DHTKD1: variants seen among roughly 807,000 people sequenced by gnomAD.
DHTKD1 encodes the protein 2-oxoadipate dehydrogenase complex component E1.
DHTKD1 carries 78 observed loss-of-function variants against 101.8 expected under a neutral mutation model. The observed-to-expected ratio is 0.77, with a 90% CI of 0.64 to 0.93. The LOEUF (loss-of-function observed/expected upper bound fraction) is 0.93. DHTKD1 is among the 40% of genes least tolerant of loss of function. The pLI, the probability that DHTKD1 is intolerant of heterozygous loss-of-function variation, is 0.00. For synonymous variants in DHTKD1, 462 were observed against 450.3 expected (o/e 1.03, Z -0.33); for missense variants, 1,223 against 1,161.7 (o/e 1.05, Z -0.77).
At chr10:12,077,419 G>T (rs927477589) in intron 1 of DHTKD1, among the ~76,000 whole-genome samples, 8 of 152,060 alleles carry the variant, frequency 5.3e-5, no homozygotes, top group Non-Finnish European at 1.2e-4. Flanking sequence ...TAGAGACAGG[G>T]TTTCACCATG....
chr10:12,084,707 A>C lies in DHTKD1; in HGVS notation c.478A>C (p.Thr160Pro), dbSNP rs763171314. 1 of 1,614,004 alleles carries C rather than the reference A, an allele frequency of 6.2e-7. No individual in the cohort carries two copies. Among genetic ancestry groups the C allele is most frequent in the Non-Finnish European group, 8.5e-7 (1 of 1,180,016 alleles). Residue 160 changes from threonine (T) to proline (P), a missense_variant, in exon 3 of 17, where the codon ACA becomes CCA. By Grantham distance (38) the Thr-to-Pro change is conservative. Coordinates refer to ENST00000263035, the MANE Select transcript of DHTKD1 (RefSeq NM_018706.7). ...FEELQKETFT[T>P]EERKHLSKLM... Reference sequence around the variant, plus strand: ...GGAACTGCAAAAGGAGACGTTTACCACAGAAGAGCGAAAACATCTGTCGAA... The same window carrying C: ...GGAACTGCAAAAGGAGACGTTTACCCCAGAAGAGCGAAAACATCTGTCGAA...
chr10:12,094,416 CA>C (rs1833037807), intron 7 of DHTKD1, 145 bp downstream of exon 7: 1 of 709,258 alleles, frequency 1.4e-6, no homozygotes. Flanking sequence ...CTCCCGGGTT[CA>C]AATGATCCTC....
intron 2 of DHTKD1, among the ~76,000 whole-genome samples, chr10:12,083,074 C>T (rs531270464): frequency 2.0e-5 from 3 of 151,824 alleles, no homozygotes; most frequent in South Asian, 2.1e-4. Context: ...AATAGCAAGG[C>T]GTGAAGCCGG....
chr10:12,110,223 G>A lies in DHTKD1; in HGVS notation c.2154+2208G>A, dbSNP rs1833308405. Among the ~76,000 whole-genome samples the A allele has an allele frequency of 6.6e-6, 1 of 152,208 alleles. No homozygotes were observed. Among genetic ancestry groups the A allele is most frequent in the Non-Finnish European group, 1.5e-5 (1 of 68,040 alleles). On this transcript the variant is annotated intron_variant, in intron 12 of 16. Transcript: ENST00000263035. The surrounding 1 kb of genome is among the most constrained non-coding windows in gnomAD (Gnocchi z 4.9). ...TGAGGCAGGGGAATGGTGTGAACCT[G>A]GGAGGCGGAGCTTGCAGTGAGCTGA...
intron 5 of DHTKD1, among the ~76,000 whole-genome samples, chr10:12,090,345 TATG>T (rs1832967544): frequency 1.3e-5 from 2 of 152,028 alleles, no homozygotes; most frequent in South Asian, 4.1e-4. Flanking sequence ...TGGATTTCAT[TATG>T]ATATGGCCGG....
At chr10:12,115,458 C>T (rs943341322) in intron 13 of DHTKD1, among the ~76,000 whole-genome samples, 5 of 152,008 alleles carry the variant, frequency 3.3e-5, no homozygotes, top group East Asian at 1.9e-4. Context: ...TTCTCAGGGG[C>T]GATATTTTCA....
At chr10:12,111,603 C>G (rs768104839) in intron 12 of DHTKD1, among the ~76,000 whole-genome samples, 2 of 152,058 alleles carry the variant, frequency 1.3e-5, no homozygotes, top group Non-Finnish European at 2.9e-5. Context: ...GGGGTGGGCT[C>G]TAGTACATGA....
rs1173092599 is a variant in DHTKD1, at chr10:12,094,056, G to C, written c.1160-17G>C. Reference sequence around the variant, plus strand: ...TGGGTTAACTGTCCTGTTTCGGCTTGGTCTTCTGTCCTTCAGGGAAGCTTG... The same window carrying C: ...TGGGTTAACTGTCCTGTTTCGGCTTCGTCTTCTGTCCTTCAGGGAAGCTTG... On this transcript the variant is annotated splice_polypyrimidine_tract_variant and intron_variant, in intron 6 of 16. Transcript: ENST00000263035. 1.2e-6 allele frequency: 2 copies of C among 1,609,520 alleles called. No homozygotes were observed. Among genetic ancestry groups the C allele is most frequent in the South Asian group, 1.1e-5 (1 of 90,914 alleles).
Position 12,121,878 on chromosome 10 carries a change from A to G in DHTKD1, c.*990A>G, listed in dbSNP as rs182682870. The G allele has an allele frequency of 5.3e-5, 8 of 152,316 alleles. No individual in the cohort carries two copies. In the East Asian group the frequency reaches 1.5e-3, roughly 29 times the overall value. 9.4% of individuals were successfully genotyped at this position (152,316 alleles called of 1,614,324 possible). A position where few individuals can be genotyped will look rare whatever the true frequency, so the allele number is the denominator to read the frequency against. ...CTAATTGACCATATATGACCAGGAA[A>G]CACTTCTGAGTTTACAGCTCCGTGG... On this transcript the variant is annotated 3_prime_UTR_variant, in exon 17 of 17. Coordinates refer to ENST00000263035, the MANE Select transcript of DHTKD1 (RefSeq NM_018706.7).
At chr10:12,069,281 GCTGCC>G in intron 1 of DHTKD1, 94 bp downstream of exon 1, 10 of 1,204,176 alleles carry the variant, frequency 8.3e-6, no homozygotes, top group Non-Finnish European at 7.8e-6. Context: ...CGGGGAACCG[GCTGCC>G]GGCCTGAACG....
In DHTKD1 at chr10:12,100,249, T is replaced by C. The variant is rs371969964; in HGVS notation, c.1743T>C (p.Ser581=). The change falls in exon 9 of 17, where the codon TCT becomes TCC. Residue 581 remains serine, a synonymous_variant. Coordinates refer to ENST00000263035, the MANE Select transcript of DHTKD1 (RefSeq NM_018706.7). ...CCGCGGAAGCTCTTGCCTTGGGTTC[T>C]TTACTTGCTCAAGGTAAGAATTTTC... ...WATAEALALG[S]LLAQGFNVRL... The C allele has an allele frequency of 6.6e-7, 1 of 1,511,876 alleles. No individual in the cohort carries two copies. The allele number at this position is 1,511,876 out of a possible 1,614,324, so 93.7% of individuals were successfully genotyped here.
At chr10:12,108,908 T>C (rs1224491625) in intron 12 of DHTKD1, among the ~76,000 whole-genome samples, 2 of 152,164 alleles carry the variant, frequency 1.3e-5, no homozygotes, top group East Asian at 3.8e-4. Flanking sequence ...TCCTGGCACT[T>C]TGGGAGACCA....
At chr10:12,120,446 GC>G in intron 16 of DHTKD1, 179 bp downstream of exon 16, 1 of 551,854 alleles carries the variant, frequency 1.8e-6, no homozygotes, top group Non-Finnish European at 3.2e-6. Context: ...CCATTCTCCT[GC>G]CTCAGCCTCC....
Position 12,117,691 on chromosome 10 carries a change from C to T in DHTKD1, c.2338C>T (p.Gln780Ter), listed in dbSNP as rs758531629. The part of the protein sequence containing the change: ...LRLPAAVSTL[Q>*]EMAPGTTFNP... ...CTCGTAGGCAGCCGTGTCAACTCTT[C>T]AAGAAATGGCACCAGGAACAACATT... The change falls in exon 14 of 17, where the codon CAA becomes TAA. Residue 780 changes from glutamine to a stop codon, truncating the protein, a stop_gained. Transcript: ENST00000263035. LOFTEE classifies it high-confidence loss of function. 1.2e-6 allele frequency: 2 copies of T among 1,605,746 alleles called. No homozygotes were observed. The highest frequency in any genetic ancestry group is 1.1e-5 in the South Asian group (1 of 89,896).
chr10:12,069,079 G>A lies in DHTKD1; in HGVS notation c.46G>A (p.Ala16Thr). The A allele has an allele frequency of 1.2e-6, 2 of 1,612,854 alleles. No individual in the cohort carries two copies. The highest frequency in any genetic ancestry group is 1.7e-6 in the Non-Finnish European group (2 of 1,179,604). Residue 16 changes from alanine to threonine, a missense_variant, in exon 1 of 17, where the codon GCT (alanine) becomes ACT (threonine). Ala to Thr is a moderately conservative substitution (Grantham distance 58). Coordinates refer to ENST00000263035, the MANE Select transcript of DHTKD1 (RefSeq NM_018706.7). ...AAAARRGLGR[A>T]LPLFWRGYQT... ...AGCAGCACGACGGGGCCTCGGCCGGGCTCTCCCTCTCTTCTGGCGTGGCTA... is the reference window on the plus strand; with the variant it reads ...AGCAGCACGACGGGGCCTCGGCCGGACTCTCCCTCTCTTCTGGCGTGGCTA...
intron 2 of DHTKD1, among the ~76,000 whole-genome samples, chr10:12,082,499 G>A (rs753901195): frequency 2.0e-4 from 30 of 152,100 alleles, no homozygotes; most frequent in African/African-American, 4.6e-4. Flanking sequence ...ATCTAATGCC[G>A]TGTAATAAAC....
chr10:12,081,576 C>A lies in DHTKD1; in HGVS notation c.259C>A (p.Pro87Thr). ...CGGACAAGCCCTGCTGGAGAATGTG[C>A]CTGAAATCCAAGCCCTGGTGCAGAC... The part of the protein sequence containing the change: ...FTGQALLENV[P>T]EIQALVQTLQ... The change falls in exon 2 of 17, where the codon CCT becomes ACT. Residue 87 changes from proline (P) to threonine (T), a missense_variant. Physicochemically the swap from Pro to Thr is conservative, Grantham distance 38. Coordinates refer to ENST00000263035, the MANE Select transcript of DHTKD1 (RefSeq NM_018706.7). The A allele has an allele frequency of 6.2e-7, 1 of 1,614,154 alleles. No individual in the cohort carries two copies. Among genetic ancestry groups the A allele is most frequent in the Non-Finnish European group, 8.5e-7 (1 of 1,180,032 alleles).
chr10:12,116,538 G>A (rs1833420287), intron 13 of DHTKD1, among the ~76,000 whole-genome samples: 2 of 151,740 alleles, frequency 1.3e-5, no homozygotes, highest in South Asian at 4.2e-4. Flanking sequence ...TTACAGGCAT[G>A]CACCACCACG....
In DHTKD1 at chr10:12,087,402, A is replaced by C; in HGVS notation, c.523-133A>C. 1 of 657,102 alleles carries C rather than the reference A, an allele frequency of 1.5e-6. No individual in the cohort carries two copies. Among genetic ancestry groups the C allele is most frequent in the Non-Finnish European group, 2.6e-6 (1 of 385,828 alleles). 40.7% of individuals were successfully genotyped at this position (657,102 alleles called of 1,614,324 possible). A position where few individuals can be genotyped will look rare whatever the true frequency, so the allele number is the denominator to read the frequency against. The stretch of plus-strand genomic sequence containing the variant: ...TCCGTGTTATGTCTCTCTCCGGGAT[A>C]TGTAGTAAAGTGGCATTGCTGTGGC... On this transcript the variant is annotated intron_variant, in intron 3 of 16. Transcript: ENST00000263035. The surrounding 1 kb of genome is among the most constrained non-coding windows in gnomAD (Gnocchi z 5.2).
Sources: allele counts gnomAD v4.1 joint callset (sites outside exome capture counted in the v4.1 genomes callset), GRCh38; gene constraint gnomAD v4.1.1; non-coding constraint Gnocchi (gnomAD v3.1); transcripts MANE v1.5; gene names NCBI Gene and HGNC (gene_info 2026-07-23, HGNC 2026-07-21).